Variants in ARHGAP18 observed in about 807,000 individuals in gnomAD.
ARHGAP18 encodes rho GTPase-activating protein 18.
Under a neutral mutation model 86.2 loss-of-function variants are expected in ARHGAP18, and 67 were observed. The ratio of observed to expected loss-of-function variants is 0.78; its 90% CI spans 0.64 to 0.95. ARHGAP18 has a LOEUF of 0.95. ARHGAP18 is among the 40% of genes least tolerant of loss of function. ARHGAP18 has a pLI of 0.00. For missense variants in ARHGAP18, 691 were observed against 780.4 expected (o/e 0.89, Z 1.37); for synonymous variants, 283 against 280.4 (o/e 1.01, Z -0.09).
chr6:129,614,363 G>T (rs948632787), intron 7 of ARHGAP18, among the ~76,000 whole-genome samples: 1 of 152,016 alleles, frequency 6.6e-6, no homozygotes, highest in Non-Finnish European at 1.5e-5. Flanking sequence ...AATTCACAAG[G>T]GATGCAAACA....
chr6:129,610,119 G>C (rs562472720), intron 8 of ARHGAP18, among the ~76,000 whole-genome samples: 1 of 152,274 alleles, frequency 6.6e-6, no homozygotes, highest in African/African-American at 2.4e-5. Flanking sequence ...TATTGGATGT[G>C]GGCAGTGGTT....
chr6:129,702,547 G>C (rs1461829927), intron 1 of ARHGAP18, among the ~76,000 whole-genome samples: 1 of 152,208 alleles, frequency 6.6e-6, no homozygotes, highest in East Asian at 1.9e-4. Flanking sequence ...GTTCAGGAGA[G>C]GATTGTTGTC....
chr6:129,611,693 T>A, intron 7 of ARHGAP18, 83 bp from the exon 8 acceptor site: 2 of 1,134,058 alleles, frequency 1.8e-6, no homozygotes, highest in East Asian at 2.6e-5. Flanking sequence ...CACATATAAA[T>A]AAAACTGATT....
chr6:129,610,028 G>T (rs1326406787), intron 8 of ARHGAP18, among the ~76,000 whole-genome samples: 1 of 152,180 alleles, frequency 6.6e-6, no homozygotes, highest in Admixed American at 6.5e-5. Flanking sequence ...ATTTCATAAA[G>T]AATGGGGTTA....
intron 5 of ARHGAP18, among the ~76,000 whole-genome samples, chr6:129,626,143 C>T (rs969091951): frequency 5.0e-5 from 7 of 141,126 alleles, no homozygotes; most frequent in South Asian, 2.2e-4. Context: ...TTCAGATGTC[C>T]GCCATAGGGG....
chr6:129,655,549 GT>G (rs1241860580), intron 1 of ARHGAP18, among the ~76,000 whole-genome samples: 1 of 151,766 alleles, frequency 6.6e-6, no homozygotes, highest in Admixed American at 6.6e-5. Context: ...AAAGATCAAG[GT>G]TGTCAGATAC....
At chr6:129,680,821 T>C (rs532255889) in intron 1 of ARHGAP18, among the ~76,000 whole-genome samples, 38 of 152,342 alleles carry the variant, frequency 2.5e-4, no homozygotes, top group African/African-American at 8.7e-4. Flanking sequence ...GGCAAAATTA[T>C]ATGGATAACC....
chr6:129,642,146 T>G lies in ARHGAP18; in HGVS notation c.114-128A>C, dbSNP rs866110919. Reference sequence around the variant, plus strand: ...GTTATCCTTAATAAAACTAAAGGAATATATATTTTGGAACAGTTTACTATG... The same window carrying G: ...GTTATCCTTAATAAAACTAAAGGAAGATATATTTTGGAACAGTTTACTATG... On this transcript the variant is annotated intron_variant, in intron 1 of 14. Coordinates refer to ENST00000368149, the MANE Select transcript of ARHGAP18 (RefSeq NM_033515.3). The G allele has an allele frequency of 4.1e-5, 33 of 798,376 alleles. 1 individual carries two copies. The Middle Eastern group carries it at 5.5e-3, about 132-fold the overall frequency. 49.5% of individuals were successfully genotyped at this position (798,376 alleles called of 1,614,324 possible).
chr6:129,601,468 A>C (rs183782246), intron 10 of ARHGAP18, among the ~76,000 whole-genome samples: 2 of 152,056 alleles, frequency 1.3e-5, no homozygotes, highest in East Asian at 3.9e-4. Context: ...CTCTCTCAAA[A>C]AAGGAAAAGA....
At chr6:129,623,006 C>CAAAAAA (rs57274879) in intron 5 of ARHGAP18, among the ~76,000 whole-genome samples, 97 of 39,564 alleles carry the variant, frequency 2.5e-3, no homozygotes, top group African/African-American at 4.6e-3. Context: ...CATCTCAAAA[C>CAAAAAA]AAAAAAAAAA....
In ARHGAP18 at chr6:129,636,354, C is replaced by T. The variant is rs185442229; in HGVS notation, c.552+2040G>A. 2.0e-5 allele frequency among the ~76,000 whole-genome samples: 3 copies of T among 152,304 alleles called. No homozygotes were observed. In the East Asian group the frequency reaches 5.8e-4, roughly 29 times the overall value. ...ATGTCTACAAAAAGCAAAAGAGTGT[C>T]TACATGACAGGAAGATACCTTAAAT... On this transcript the variant is annotated intron_variant, in intron 3 of 14. Transcript: ENST00000368149.
intron 5 of ARHGAP18, among the ~76,000 whole-genome samples, chr6:129,627,446 G>A (rs73776335): frequency 0.011 from 1,737 of 151,966 alleles, 20 homozygotes; most frequent in East Asian, 0.043. Context: ...CATATCTGAC[G>A]TAGTCTTGAC....
chr6:129,626,957 C>T (rs1789489172), intron 5 of ARHGAP18, among the ~76,000 whole-genome samples: 2 of 152,072 alleles, frequency 1.3e-5, no homozygotes, highest in Admixed American at 1.3e-4. Context: ...ATGAACACTT[C>T]TAGAGTCCTG....
At chr6:129,583,958 T>C (rs768307145) in intron 13 of ARHGAP18, 30 bp downstream of exon 13, 12 of 1,606,214 alleles carry the variant, frequency 7.5e-6, no homozygotes, top group Middle Eastern at 1.7e-4. Context: ...ACTTATGCCA[T>C]GGCATAATTA....
chr6:129,602,280 T>C (rs756287093), intron 10 of ARHGAP18, among the ~76,000 whole-genome samples: 24 of 152,134 alleles, frequency 1.6e-4, no homozygotes, highest in Non-Finnish European at 3.5e-4. Flanking sequence ...AAAACAATGT[T>C]TGGAGAATGT....
At chr6:129,669,677 T>TG (rs1220689200) in intron 1 of ARHGAP18, among the ~76,000 whole-genome samples, 8 of 151,284 alleles carry the variant, frequency 5.3e-5, no homozygotes, top group Admixed American at 5.3e-4. Context: ...CCCAGATACT[T>TG]GGGAGGCTGA....
chr6:129,603,884 C>G (rs1788798260), intron 10 of ARHGAP18, among the ~76,000 whole-genome samples: 1 of 152,206 alleles, frequency 6.6e-6, no homozygotes, highest in Non-Finnish European at 1.5e-5. Context: ...CTTAGACTTG[C>G]TGTAGCAATA....
At chr6:129,588,287 T>C (rs1238145625) in intron 12 of ARHGAP18, among the ~76,000 whole-genome samples, 1 of 152,068 alleles carries the variant, frequency 6.6e-6, no homozygotes, top group Non-Finnish European at 1.5e-5. Context: ...CCAGTTAATT[T>C]TTGTATTTTA....
intron 1 of ARHGAP18, among the ~76,000 whole-genome samples, chr6:129,684,473 G>A (rs953079635): frequency 2.0e-5 from 3 of 152,284 alleles, no homozygotes; most frequent in Admixed American, 6.5e-5. Flanking sequence ...CTTTTGTGCT[G>A]CTATTTTTCT....
Sources: allele counts gnomAD v4.1 joint callset (sites outside exome capture counted in the v4.1 genomes callset), GRCh38; gene constraint gnomAD v4.1.1; transcripts MANE v1.5; gene names NCBI Gene and HGNC (gene_info 2026-07-23, HGNC 2026-07-21).